Variants in RORA observed in about 807,000 individuals in gnomAD.
RORA encodes the protein RAR related orphan receptor A.
A neutral mutation model predicts 69.5 loss-of-function variants in RORA; 7 were observed. That is an observed-to-expected ratio of 0.10 (90% CI 0.06 to 0.19). RORA has a LOEUF of 0.19. Among genes scored for constraint, RORA ranks in the 10% least tolerant of loss-of-function variants. The pLI, the probability that RORA is intolerant of heterozygous loss-of-function variation, is 1.00. For missense variants in RORA, 457 were observed against 663.0 expected (o/e 0.69, Z 3.41); for synonymous variants, 261 against 240.8 (o/e 1.08, Z -0.78).
At chr15:60,789,663 T>G (rs973268865) in intron 1 of RORA, among the ~76,000 whole-genome samples, 3 of 152,252 alleles carry the variant, frequency 2.0e-5, no homozygotes, top group Admixed American at 6.5e-5. Context: ...AAGAAAGAAT[T>G]GTAAAATATC....
chr15:60,962,347 TTAGTGCAGA>T (rs1242157419), intron 1 of RORA, among the ~76,000 whole-genome samples: 1 of 152,170 alleles, frequency 6.6e-6, no homozygotes, highest in Non-Finnish European at 1.5e-5. Context: ...AAACAAGAGA[TTAGTGCAGA>T]TGGATGGAAA....
intron 3 of RORA, among the ~76,000 whole-genome samples, chr15:60,516,482 G>A (rs549602756): frequency 6.6e-6 from 1 of 151,004 alleles, no homozygotes; most frequent in South Asian, 2.1e-4. Context: ...TCATTTCCAT[G>A]AAGCAAAGCC....
chr15:60,648,069 A>G (rs574089211), intron 2 of RORA, among the ~76,000 whole-genome samples: 2 of 152,242 alleles, frequency 1.3e-5, no homozygotes, highest in Non-Finnish European at 2.9e-5. Flanking sequence ...ACTTAATATA[A>G]GGCAGACTGA....
chr15:60,796,591 G>A (rs775469444), intron 1 of RORA, among the ~76,000 whole-genome samples: 1 of 151,960 alleles, frequency 6.6e-6, no homozygotes, highest in East Asian at 1.9e-4. Context: ...GGAATATAAC[G>A]TTGTCACTAT....
chr15:60,821,880 C>G (rs934049867), intron 1 of RORA, among the ~76,000 whole-genome samples: 1 of 152,230 alleles, frequency 6.6e-6, no homozygotes, highest in African/African-American at 2.4e-5. Flanking sequence ...CAAAGTCACA[C>G]AGCTAGCATG....
intron 1 of RORA, among the ~76,000 whole-genome samples, chr15:61,152,997 T>A (rs745709890): frequency 1.3e-4 from 20 of 152,052 alleles, no homozygotes; most frequent in Non-Finnish European, 2.2e-4. Context: ...GGAAGACAAG[T>A]CACAATTGAA....
chr15:61,073,354 C>G (rs1286588754), intron 1 of RORA, among the ~76,000 whole-genome samples: 1 of 152,144 alleles, frequency 6.6e-6, no homozygotes, highest in Non-Finnish European at 1.5e-5. Flanking sequence ...CCAAAACACT[C>G]AATCCACCAT....
chr15:60,661,080 TA>T (rs552111051), intron 2 of RORA, among the ~76,000 whole-genome samples: 15 of 71,256 alleles, frequency 2.1e-4, no homozygotes, highest in Non-Finnish European at 4.0e-4. Flanking sequence ...ATAGAGGAGT[TA>T]TTTTTTTTTT....
intron 2 of RORA, among the ~76,000 whole-genome samples, chr15:60,610,539 A>C (rs2069061822): frequency 6.6e-6 from 1 of 152,202 alleles, no homozygotes; most frequent in African/African-American, 2.4e-5. Context: ...TAAGGAGGTG[A>C]AAAATGCGGG....
At chr15:60,878,666 C>T (rs28607555) in intron 1 of RORA, among the ~76,000 whole-genome samples, 16,887 of 152,188 alleles carry the variant, frequency 0.11, 1,962 homozygotes, top group African/African-American at 0.3. Flanking sequence ...TCTTAACTTA[C>T]TATTATTGCT....
rs550806376 is a variant in RORA, at chr15:60,971,249, G to T, written c.166+257804C>A. On this transcript the variant is annotated intron_variant, in intron 1 of 10. Coordinates refer to ENST00000335670, the MANE Select transcript of RORA (RefSeq NM_134261.3). ...TCTGGACTCCCCTAACACTGCATTTGTATCTCCACTACTGCCTTTCCCGAT... is the reference window on the plus strand; with the variant it reads ...TCTGGACTCCCCTAACACTGCATTTTTATCTCCACTACTGCCTTTCCCGAT... 2.4e-4 allele frequency among the ~76,000 whole-genome samples: 37 copies of T among 152,262 alleles called. No individual in the cohort carries two copies. In the South Asian group the frequency reaches 7.3e-3, roughly 30 times the overall value.
At chr15:60,661,995 A>G (rs1272685383) in intron 2 of RORA, among the ~76,000 whole-genome samples, 1 of 152,252 alleles carries the variant, frequency 6.6e-6, no homozygotes, top group Non-Finnish European at 1.5e-5. Flanking sequence ...ACACTCTATG[A>G]AGAAGGCTTG....
At chr15:61,225,408 CTG>C (rs933554909) in intron 1 of RORA, among the ~76,000 whole-genome samples, 1 of 152,128 alleles carries the variant, frequency 6.6e-6, no homozygotes, top group African/African-American at 2.4e-5. Context: ...TCAGCCAAAA[CTG>C]AAGGGGGCAA....
At chr15:60,879,290 G>GT (rs371394934) in intron 1 of RORA, among the ~76,000 whole-genome samples, 34 of 149,878 alleles carry the variant, frequency 2.3e-4, no homozygotes, top group East Asian at 2.2e-3. Context: ...CCTTGGAGAA[G>GT]TTTTTTTTTT....
chr15:60,734,783 C>A (rs973335691), intron 1 of RORA, among the ~76,000 whole-genome samples: 1 of 152,220 alleles, frequency 6.6e-6, no homozygotes, highest in South Asian at 2.1e-4. Context: ...TAACGGCAAT[C>A]ATGTAGAGAC....
In RORA at chr15:60,511,167, C is replaced by T. The variant is rs2065685410; in HGVS notation, c.820+59G>A. ...ACTCATTAGAGGAAAGTCAGACATA[C>T]CCCTTTTACTTCAAAGGGCATGAAT... On this transcript the variant is annotated intron_variant, in intron 5 of 10. Transcript: ENST00000335670. This position sits in a 1 kb window ranked among gnomAD's most constrained non-coding sequence, Gnocchi z 6.4. 3.3e-6 allele frequency: 5 copies of T among 1,516,520 alleles called. No homozygotes were observed. The highest frequency in any genetic ancestry group is 2.5e-5 in the South Asian group (2 of 78,518). 93.9% of individuals were successfully genotyped at this position (1,516,520 alleles called of 1,614,324 possible).
chr15:60,654,412 C>T (rs1329960949), intron 2 of RORA, among the ~76,000 whole-genome samples: 1 of 151,992 alleles, frequency 6.6e-6, no homozygotes, highest in Non-Finnish European at 1.5e-5. Context: ...ACAAAGCAGG[C>T]AAGCAAGCAA....
intron 1 of RORA, among the ~76,000 whole-genome samples, chr15:61,139,031 G>C (rs956955936): frequency 1.2e-4 from 18 of 151,774 alleles, no homozygotes; most frequent in East Asian, 9.8e-4. Flanking sequence ...GTAGTCCCAG[G>C]TACTCGGGAG....
chr15:60,567,802 T>G (rs2067760703), intron 2 of RORA, among the ~76,000 whole-genome samples: 4 of 152,240 alleles, frequency 2.6e-5, no homozygotes, highest in Admixed American at 2.6e-4. Flanking sequence ...TGCATTACTT[T>G]CCCTTTTTTT....
Sources: gnomAD v4.1 joint callset for allele counts (sites outside exome capture counted in the v4.1 genomes callset) on GRCh38, gnomAD v4.1.1 for gene constraint, Gnocchi (gnomAD v3.1) non-coding constraint, MANE v1.5 for transcripts, NCBI Gene and HGNC (gene_info 2026-07-23, HGNC 2026-07-21) for gene names.